Variants in KDM7A observed in about 807,000 individuals in gnomAD.
The protein encoded by KDM7A is lysine-specific demethylase 7A.
Under a neutral mutation model 114.8 loss-of-function variants are expected in KDM7A, and 28 were observed. The observed-to-expected ratio is 0.24, with a 90% CI of 0.18 to 0.33. KDM7A has a LOEUF of 0.33. Among genes scored for constraint, KDM7A ranks in the 10% least tolerant of loss-of-function variants. The pLI is 1.00. For missense variants in KDM7A, 942 were observed against 1,142.5 expected (o/e 0.82, Z 2.53); for synonymous variants, 423 against 397.8 (o/e 1.06, Z -0.75).
Position 140,113,552 on chromosome 7 carries a change from G to T in KDM7A, c.1277C>A (p.Thr426Asn), listed in dbSNP as rs769573842. 6.2e-6 allele frequency: 10 copies of T among 1,604,798 alleles called. No individual in the cohort carries two copies. In the East Asian group the frequency reaches 2.0e-4, roughly 32 times the overall value. ...TGCTTTCACTCCCTGTACTAGGTAA[G>T]TTTGAGGCTGGAAACCATCTTCTCT... ...ELREDGFQPQ[T>N]YLVQGVKALH... The change falls in exon 10 of 20, where the codon ACT (threonine) becomes AAT (asparagine). Residue 426 changes from threonine to asparagine, a missense_variant. Around this residue, in one of 4 missense-constraint regions of KDM7A, gnomAD observed 318 missense variants for 453.1 expected, o/e 0.70. Transcript: ENST00000397560.
chr7:140,146,676 G>A (rs1794342988), intron 1 of KDM7A, among the ~76,000 whole-genome samples: 1 of 152,208 alleles, frequency 6.6e-6, no homozygotes, highest in African/African-American at 2.4e-5. Context: ...CCTACAGGGT[G>A]ACAATCTGAC....
chr7:140,155,093 T>C (rs923281196), intron 1 of KDM7A, among the ~76,000 whole-genome samples: 4 of 152,184 alleles, frequency 2.6e-5, no homozygotes, highest in Non-Finnish European at 4.4e-5. Context: ...TAACTGATCA[T>C]ACACTAAAAC....
intron 1 of KDM7A, among the ~76,000 whole-genome samples, chr7:140,150,695 A>G (rs1380026362): frequency 6.6e-6 from 1 of 152,204 alleles, no homozygotes. Context: ...ATTGCTTTTC[A>G]CCATAGAACC....
At chr7:140,100,725 T>TATATATATATATACAC (rs1818206093) in intron 12 of KDM7A, among the ~76,000 whole-genome samples, 3 of 57,186 alleles carry the variant, frequency 5.2e-5, no homozygotes, top group African/African-American at 7.1e-5. Flanking sequence ...TATATATATA[T>TATATATATATATACAC]ATATATATAT....
intron 1 of KDM7A, among the ~76,000 whole-genome samples, chr7:140,174,714 C>A (rs1449419777): frequency 6.6e-6 from 1 of 152,116 alleles, no homozygotes; most frequent in Non-Finnish European, 1.5e-5. Flanking sequence ...GATTCTCCTG[C>A]CTCAGCCTCC....
chr7:140,101,810 G>C (rs897650571), intron 12 of KDM7A, 141 bp downstream of exon 12: 3 of 639,810 alleles, frequency 4.7e-6, no homozygotes, highest in Non-Finnish European at 8.3e-6. Flanking sequence ...CCCTGTCACA[G>C]GCATAACTAC....
chr7:140,143,008 C>G (rs992027214), intron 1 of KDM7A, among the ~76,000 whole-genome samples: 1 of 151,504 alleles, frequency 6.6e-6, no homozygotes, highest in Admixed American at 6.6e-5. Context: ...GGTGAAACCC[C>G]ATCTCTACTA....
At chr7:140,093,988 A>G in intron 18 of KDM7A, 68 bp downstream of exon 18, 1 of 999,236 alleles carries the variant, frequency 1.0e-6, no homozygotes, top group Non-Finnish European at 1.6e-6. Flanking sequence ...CAGTTTTAAA[A>G]AAGAAAGCAA....
At chr7:140,112,548 T>G (rs1025043263) in intron 10 of KDM7A, among the ~76,000 whole-genome samples, 1 of 151,832 alleles carries the variant, frequency 6.6e-6, no homozygotes, top group Non-Finnish European at 1.5e-5. Flanking sequence ...GAGGCGTAGG[T>G]TGCAGCGAGC....
At chr7:140,147,218 A>G (rs540430620) in intron 1 of KDM7A, among the ~76,000 whole-genome samples, 2 of 152,140 alleles carry the variant, frequency 1.3e-5, no homozygotes, top group South Asian at 2.1e-4. Context: ...TTTATATCCT[A>G]TTCCCTGAAC....
chr7:140,109,903 C>T (rs1433001911), intron 11 of KDM7A, among the ~76,000 whole-genome samples: 1 of 152,216 alleles, frequency 6.6e-6, no homozygotes, highest in Non-Finnish European at 1.5e-5. Context: ...CATTCAAACA[C>T]ATTTGGTAAT....
At chr7:140,139,678 CA>C (rs777971613) in intron 1 of KDM7A, among the ~76,000 whole-genome samples, 8 of 151,432 alleles carry the variant, frequency 5.3e-5, no homozygotes, top group African/African-American at 1.9e-4. Flanking sequence ...AAAGAATAGA[CA>C]AAAAAACCTT....
intron 18 of KDM7A, among the ~76,000 whole-genome samples, chr7:140,092,537 G>A (rs1221787436): frequency 2.0e-5 from 3 of 152,152 alleles, no homozygotes; most frequent in Admixed American, 6.5e-5. Flanking sequence ...AGAGTGCCAA[G>A]CTTGGTGTTT....
rs1161462525 is a variant in KDM7A, at chr7:140,176,180, C to T, written c.194+564G>A. 6.6e-6 allele frequency among the ~76,000 whole-genome samples: 1 copy of T among 151,916 alleles called. No individual in the cohort carries two copies. Among genetic ancestry groups the T allele is most frequent in the African/African-American group, 2.4e-5 (1 of 41,400 alleles). Reference sequence around the variant, plus strand: ...CCGGCCCGCCGCTGCCCCCGTCCCACTGGCCCAGGAAGTTTGATAAAGACG... The same window carrying T: ...CCGGCCCGCCGCTGCCCCCGTCCCATTGGCCCAGGAAGTTTGATAAAGACG... On this transcript the variant is annotated intron_variant, in intron 1 of 19. Coordinates refer to ENST00000397560, the MANE Select transcript of KDM7A (RefSeq NM_030647.2). This position sits in a 1 kb window ranked among gnomAD's most constrained non-coding sequence, Gnocchi z 4.4.
In KDM7A at chr7:140,100,689, CATATATATATATATATAT is replaced by C. The variant is rs1392915165; in HGVS notation, c.1639-684_1639-667del. Among the ~76,000 whole-genome samples, 31 of 54,002 alleles carry C rather than the reference CATATATATATATATATAT, an allele frequency of 5.7e-4. 1 individual carries two copies. The highest frequency in any genetic ancestry group is 1.8e-3 in the African/African-American group (26 of 14,254). 35.4% of individuals were successfully genotyped at this position (54,002 alleles called of 152,430 possible). On this transcript the variant is annotated intron_variant, in intron 12 of 19. Coordinates refer to ENST00000397560, the MANE Select transcript of KDM7A (RefSeq NM_030647.2). Reference sequence around the variant, plus strand: ...ATATATATATATATATACATATATACATATATATATATATATATACACATATATATATATATATATATA... The same window carrying C: ...ATATATATATATATATACATATATACACACATATATATATATATATATATA...
At chr7:140,100,223 G>A (rs1818179000) in intron 12 of KDM7A, among the ~76,000 whole-genome samples, 200 bp from the exon 13 acceptor site, 1 of 152,162 alleles carries the variant, frequency 6.6e-6, no homozygotes, top group African/African-American at 2.4e-5. Context: ...TCTTTCTGGA[G>A]GGCCATTAAC....
chr7:140,102,132 T>G lies in KDM7A; in HGVS notation c.1457A>C (p.Gln486Pro), dbSNP rs771512034. The G allele has an allele frequency of 1.9e-6, 3 of 1,613,760 alleles. No homozygotes were observed. The South Asian group carries it at 3.3e-5, about 18-fold the overall frequency. Residue 486 changes from glutamine to proline, a missense_variant, in exon 12 of 20, where the codon CAG becomes CCG. By Grantham distance (76) the Gln-to-Pro change is moderately conservative. Coordinates refer to ENST00000397560, the MANE Select transcript of KDM7A (RefSeq NM_030647.2). ...AACTGGACACACAATAGGAATTCCC[T>G]GAGATTTAACTGGTTTGCCGTTTTC... ...EEENGKPVKS[Q>P]GIPIVCPVSR...
intron 2 of KDM7A, among the ~76,000 whole-genome samples, chr7:140,135,268 A>G (rs1818849514): frequency 6.9e-6 from 1 of 145,422 alleles, no homozygotes; most frequent in African/African-American, 2.6e-5. Context: ...CAGTGGCATG[A>G]TCTCGGCTCA....
At chr7:140,154,499 TAAAAAAAAAAAA>T (rs397974321) in intron 1 of KDM7A, among the ~76,000 whole-genome samples, 1 of 74,318 alleles carries the variant, frequency 1.3e-5, no homozygotes, top group Non-Finnish European at 2.9e-5. Flanking sequence ...CTCTTAAAAT[TAAAAAAAAAAAA>T]AAAAAAAAAG....
Sources: gnomAD v4.1 joint callset for allele counts (sites outside exome capture counted in the v4.1 genomes callset) on GRCh38, gnomAD v4.1.1 for gene constraint, gnomAD v4.1.1 regional missense constraint, Gnocchi (gnomAD v3.1) non-coding constraint, MANE v1.5 for transcripts, NCBI Gene and HGNC (gene_info 2026-07-23, HGNC 2026-07-21) for gene names.